RP1L1: variants seen among roughly 807,000 people sequenced by gnomAD.
RP1L1 encodes the protein retinitis pigmentosa 1-like 1 protein.
Under a neutral mutation model 15.7 loss-of-function variants are expected in RP1L1, and 27 were observed. The observed-to-expected ratio is 1.72, with a 90% CI of 1.27 to 2.38. The LOEUF is 2.38. RP1L1 is among the 30% of genes most tolerant of loss of function. RP1L1 has a pLI of 0.00. For missense variants in RP1L1, 4,798 were observed against 3,075.9 expected (o/e 1.56, Z -13.24); for synonymous variants, 1,813 against 1,276.7 (o/e 1.42, Z -8.96).
At chr8:10,634,520 T>C (rs1798300963) in intron 1 of RP1L1, among the ~76,000 whole-genome samples, 2 of 152,154 alleles carry the variant, frequency 1.3e-5, no homozygotes, top group Admixed American at 6.5e-5. Context: ...AGGTCTGGTG[T>C]TGCTGTGTGG....
In RP1L1 at chr8:10,612,950, C is replaced by T; in HGVS notation, c.1148G>A (p.Gly383Glu). Residue 383 changes from glycine to glutamate, a missense_variant, in exon 4 of 4, where the codon GGA (glycine) becomes GAA (glutamate). Gly to Glu is a moderately conservative substitution (Grantham distance 98). Transcript: ENST00000382483. ...GCATCCCACCCTGCAGGGCCGGGGTCCCCACACCCCAGGCTCTGAGAAGCC... is the reference window on the plus strand; with the variant it reads ...GCATCCCACCCTGCAGGGCCGGGGTTCCCACACCCCAGGCTCTGAGAAGCC... ...PWGFSEPGVW[G>E]PRPCRVGCRE... 6.2e-7 allele frequency: 1 copy of T among 1,613,082 alleles called. No homozygotes were observed. Among genetic ancestry groups the T allele is most frequent in the Non-Finnish European group, 8.5e-7 (1 of 1,179,908 alleles).
intron 1 of RP1L1, among the ~76,000 whole-genome samples, chr8:10,635,885 G>C (rs1798321483): frequency 6.6e-6 from 1 of 152,248 alleles, no homozygotes; most frequent in Non-Finnish European, 1.5e-5. Context: ...GGAGCCAGCA[G>C]ACACTGGAAG....
chr8:10,610,292 C>G lies in RP1L1; in HGVS notation c.3806G>C (p.Cys1269Ser). 3 of 1,614,202 alleles carry G rather than the reference C, an allele frequency of 1.9e-6. No individual in the cohort carries two copies. Among genetic ancestry groups the G allele is most frequent in the Non-Finnish European group, 2.5e-6 (3 of 1,180,046 alleles). ...TTCTGCTTCATCCTCATTGGTGGCA[C>G]AAGCGCAGGCTCGGGCGTTCAAGAA... Reference protein sequence around the residue: ...PTFLNARACACATNEDEAERD... With the variant: ...PTFLNARACASATNEDEAERD... The change falls in exon 4 of 4, where the codon TGT becomes TCT. Residue 1269 changes from cysteine to serine, a missense_variant. Transcript: ENST00000382483.
At chr8:10,622,347 A>C (rs1327663623) in intron 2 of RP1L1, among the ~76,000 whole-genome samples, 2 of 151,950 alleles carry the variant, frequency 1.3e-5, no homozygotes, top group African/African-American at 2.4e-5. Flanking sequence ...AAAAAAAAAA[A>C]AAAAAGAGTA....
At chr8:10,630,746 T>C (rs1278854829) in intron 1 of RP1L1, among the ~76,000 whole-genome samples, 1 of 152,236 alleles carries the variant, frequency 6.6e-6, no homozygotes, top group East Asian at 1.9e-4. Context: ...AGTGAATTTT[T>C]TCATTTTAAA....
At chr8:10,641,453 T>G (rs909268790) in intron 1 of RP1L1, among the ~76,000 whole-genome samples, 61 of 152,214 alleles carry the variant, frequency 4.0e-4, no homozygotes, top group African/African-American at 1.4e-3. Context: ...TAACCTTGCC[T>G]ATCCACACAA....
chr8:10,623,248 A>C, intron 1 of RP1L1, 28 bp from the exon 2 acceptor site: 1 of 1,499,200 alleles, frequency 6.7e-7, no homozygotes, highest in Non-Finnish European at 8.9e-7. Flanking sequence ...AAGAGGGGTC[A>C]GAGAGCAGCT....
rs201666263 is a variant in RP1L1 at position 10,611,829 on chromosome 8, C to G, written c.2269G>C (p.Ala757Pro). 9.9e-6 allele frequency: 16 copies of G among 1,613,542 alleles called. No homozygotes were observed. Among genetic ancestry groups the G allele is most frequent in the Non-Finnish European group, 1.4e-5 (16 of 1,180,020 alleles). The change falls in exon 4 of 4, where the codon GCT becomes CCT. Residue 757 changes from alanine to proline, a missense_variant. Coordinates refer to ENST00000382483, the MANE Select transcript of RP1L1 (RefSeq NM_178857.6). ...TCCCCTGCCCACCCGGCAGAGGGAG[C>G]GTTGTGCGGGGAGACTCCAGAAACA... is the stretch of plus-strand genomic sequence containing the variant. ...DFVSGVSPHN[A>P]PSAGWAGDAG...
chr8:10,639,757 C>T (rs553003640), intron 1 of RP1L1, among the ~76,000 whole-genome samples: 1 of 152,018 alleles, frequency 6.6e-6, no homozygotes, highest in Non-Finnish European at 1.5e-5. Flanking sequence ...AAAGTTTGAC[C>T]GAACCGTACA....
chr8:10,635,452 T>C (rs550743746), intron 1 of RP1L1, among the ~76,000 whole-genome samples: 2 of 152,368 alleles, frequency 1.3e-5, no homozygotes, highest in East Asian at 1.9e-4. Flanking sequence ...TGAAGGAATG[T>C]AGCCAACGCA....
intron 1 of RP1L1, among the ~76,000 whole-genome samples, chr8:10,628,284 C>A (rs907857899): frequency 1.3e-5 from 2 of 152,146 alleles, no homozygotes; most frequent in Admixed American, 6.5e-5. Flanking sequence ...ATCTGAGAGA[C>A]CTCTTGAGAA....
intron 1 of RP1L1, among the ~76,000 whole-genome samples, chr8:10,650,664 T>C (rs1798546144): frequency 6.6e-6 from 1 of 152,098 alleles, no homozygotes; most frequent in East Asian, 1.9e-4. Flanking sequence ...GTTCAAGTGA[T>C]TCTTCTTCTG....
At chr8:10,651,783 G>C (rs1798566803) in intron 1 of RP1L1, among the ~76,000 whole-genome samples, 1 of 146,982 alleles carries the variant, frequency 6.8e-6, no homozygotes, top group Admixed American at 6.8e-5. Context: ...AAAAAGTTAT[G>C]CTCAGAGCTG....
intron 1 of RP1L1, among the ~76,000 whole-genome samples, chr8:10,629,878 G>C (rs1188502966): frequency 6.6e-6 from 1 of 152,114 alleles, no homozygotes; most frequent in Non-Finnish European, 1.5e-5. Context: ...TTAGTGGTCT[G>C]TCCCCAAGTC....
chr8:10,648,398 GT>G (rs1474812635), intron 1 of RP1L1, among the ~76,000 whole-genome samples: 2 of 151,996 alleles, frequency 1.3e-5, no homozygotes, highest in African/African-American at 2.4e-5. Context: ...GGCTGCTATT[GT>G]TTTTCAGTTT....
intron 2 of RP1L1, chr8:10,620,972 G>A (rs566527282): frequency 6.6e-6 from 1 of 152,398 alleles, no homozygotes; most frequent in East Asian, 1.9e-4. Flanking sequence ...CAGAGGAACA[G>A]GGAGTGGAGA....
At chr8:10,616,206 G>C (rs1797962244) in intron 3 of RP1L1, among the ~76,000 whole-genome samples, 1 of 152,164 alleles carries the variant, frequency 6.6e-6, no homozygotes. Context: ...ACCATGCCCA[G>C]CCTCTGTTCC....
Position 10,610,511 on chromosome 8 carries a change from G to C in RP1L1, c.3587C>G (p.Thr1196Arg). Residue 1196 changes from threonine to arginine, a missense_variant, in exon 4 of 4, where the codon ACA (threonine) becomes AGA (arginine). Thr to Arg is a moderately conservative substitution (Grantham distance 71, BLOSUM62 -1). Transcript: ENST00000382483. ...SHAMTENFTP[T>R]SSSGVDISSG... Reference sequence around the variant, plus strand: ...GCTGATGTCCACACCAGAGGAGGATGTGGGCGTGAAGTTCTCCGTCATGGC... The same window carrying C: ...GCTGATGTCCACACCAGAGGAGGATCTGGGCGTGAAGTTCTCCGTCATGGC... 6.2e-7 allele frequency: 1 copy of C among 1,613,826 alleles called. No individual in the cohort carries two copies.
In RP1L1 at chr8:10,610,978, C is replaced by G; in HGVS notation, c.3120G>C (p.Glu1040Asp). The G allele has an allele frequency of 1.9e-6, 3 of 1,612,528 alleles. No individual in the cohort carries two copies. Among genetic ancestry groups the G allele is most frequent in the South Asian group, 1.1e-5 (1 of 91,058 alleles). The change falls in exon 4 of 4, where the codon GAG becomes GAC. Residue 1040 changes from glutamate (E) to aspartate (D), a missense_variant. Physicochemically the swap from Glu to Asp is conservative, Grantham distance 45 (BLOSUM62 2). Transcript: ENST00000382483. The stretch of plus-strand genomic sequence containing the variant: ...CTGGAGCTGCCCCTTGGGGGACACC[C>G]TCTCCTGATTGGGGACCAGTGTCAC... ...GSSDTGPQSG[E>D]GVPQGAAPEG...
Sources: allele counts gnomAD v4.1 joint callset (sites outside exome capture counted in the v4.1 genomes callset), GRCh38; gene constraint gnomAD v4.1.1; transcripts MANE v1.5; gene names NCBI Gene and HGNC (gene_info 2026-07-23, HGNC 2026-07-21).